The following TBCK variants were observed in gnomAD, a reference collection of about 807,000 sequenced individuals.
TBCK encodes TBC domain-containing protein kinase-like protein.
TBCK carries 99 observed loss-of-function variants against 113.4 expected under a neutral mutation model. The ratio of observed to expected loss-of-function variants is 0.87; its 90% CI spans 0.74 to 1.03. The LOEUF (loss-of-function observed/expected upper bound fraction) is 1.03, where lower values mean the gene tolerates loss of function less well. TBCK is among the 50% of genes least tolerant of loss of function. The pLI is 0.00. For synonymous variants in TBCK, 369 were observed against 370.8 expected (o/e 1.00, Z 0.05); for missense variants, 1,045 against 1,061.3 (o/e 0.98, Z 0.21).
intron 20 of TBCK, among the ~76,000 whole-genome samples, chr4:106,201,284 G>C (rs927068351): frequency 6.6e-6 from 1 of 151,572 alleles, no homozygotes; most frequent in African/African-American, 2.4e-5. Context: ...TTAAAATATT[G>C]ATATTTTCAT....
intron 10 of TBCK, among the ~76,000 whole-genome samples, chr4:106,246,038 A>T (rs1760771779): frequency 6.6e-6 from 1 of 152,192 alleles, no homozygotes. Context: ...AGAAAATAGC[A>T]CATGGGGAGG....
At chr4:106,111,482 A>G (rs937528605) in intron 24 of TBCK, among the ~76,000 whole-genome samples, 10 of 152,334 alleles carry the variant, frequency 6.6e-5, no homozygotes, top group Admixed American at 3.9e-4. Context: ...TCAATAATGA[A>G]AGGCCAGCTC....
Position 106,105,016 on chromosome 4 carries a change from G to C in TBCK, c.2412-9375C>G, listed in dbSNP as rs374616921. 3.0e-4 allele frequency among the ~76,000 whole-genome samples: 45 copies of C among 152,326 alleles called. 1 individual carries two copies. Among genetic ancestry groups the C allele is most frequent in the African/African-American group, 1.0e-3 (43 of 41,568 alleles). On this transcript the variant is annotated intron_variant, in intron 24 of 25. Coordinates refer to ENST00000394708, the MANE Select transcript of TBCK (RefSeq NM_001163435.3). ...CCCCAACCAGAGCTATCGAGCCAGT[G>C]CGAACTCAGCAACTCCCTGCCCAGA...
chr4:106,221,021 GTTTATTAAATATCATTCTTATT>G (rs1174066349), intron 19 of TBCK, among the ~76,000 whole-genome samples: 1 of 152,154 alleles, frequency 6.6e-6, no homozygotes, highest in Non-Finnish European at 1.5e-5. Flanking sequence ...CTATGCTCCA[GTTTATTAAATATCATTCTTATT>G]TGAGTCTGAT....
intron 25 of TBCK, among the ~76,000 whole-genome samples, chr4:106,092,802 C>G (rs1034340053): frequency 1.3e-5 from 2 of 152,244 alleles, no homozygotes; most frequent in African/African-American, 4.8e-5. Flanking sequence ...GCTGAGGGAG[C>G]TGGCTCCAGC....
chr4:106,313,357 G>C (rs559823588), intron 1 of TBCK, among the ~76,000 whole-genome samples: 34 of 151,388 alleles, frequency 2.2e-4, no homozygotes, highest in Admixed American at 3.3e-4. Flanking sequence ...GAGCAACACA[G>C]TGAGACTCCA....
At chr4:106,161,683 A>G (rs1182784133) in intron 23 of TBCK, among the ~76,000 whole-genome samples, 23 of 150,116 alleles carry the variant, frequency 1.5e-4, no homozygotes, top group Admixed American at 1.5e-3. Flanking sequence ...CAGCTTGTTA[A>G]CCAGAATTAG....
chr4:106,172,111 G>T (rs1751104932), intron 22 of TBCK, among the ~76,000 whole-genome samples: 1 of 151,936 alleles, frequency 6.6e-6, no homozygotes, highest in African/African-American at 2.4e-5. Flanking sequence ...GGGTTACAGG[G>T]ATCATCCACC....
intron 25 of TBCK, among the ~76,000 whole-genome samples, chr4:106,094,537 GAA>G (rs1014225176): frequency 6.6e-6 from 1 of 152,062 alleles, no homozygotes; most frequent in African/African-American, 2.4e-5. Context: ...GTTCTAATCT[GAA>G]ATTTTCAGTG....
chr4:106,313,466 T>C (rs890297911), intron 1 of TBCK, among the ~76,000 whole-genome samples: 2 of 152,186 alleles, frequency 1.3e-5, no homozygotes, highest in African/African-American at 4.8e-5. Context: ...TTATCAGTCA[T>C]AAGAGCAAAT....
chr4:106,078,701 C>T (rs1270668910), intron 25 of TBCK, among the ~76,000 whole-genome samples: 1 of 149,636 alleles, frequency 6.7e-6, no homozygotes, highest in African/African-American at 2.5e-5. Context: ...TTCTCCCAGA[C>T]ATAAAAAGAA....
intron 23 of TBCK, among the ~76,000 whole-genome samples, chr4:106,126,335 T>G (rs778794064): frequency 1.3e-5 from 2 of 152,188 alleles, no homozygotes; most frequent in Non-Finnish European, 2.9e-5. Flanking sequence ...TTTTATACCT[T>G]ATTTTCCTCA....
chr4:106,206,975 T>A (rs1392122404), intron 20 of TBCK, among the ~76,000 whole-genome samples: 6 of 152,166 alleles, frequency 3.9e-5, no homozygotes, highest in Non-Finnish European at 8.8e-5. Flanking sequence ...CTCTTCATAA[T>A]TTGCAAGCTG....
intron 3 of TBCK, among the ~76,000 whole-genome samples, chr4:106,287,827 T>G (rs1765272300): frequency 6.6e-6 from 1 of 152,322 alleles, no homozygotes; most frequent in African/African-American, 2.4e-5. Context: ...GCTGTTATCT[T>G]GACTGAAATC....
At chr4:106,063,121 A>G (rs1170893047) in intron 25 of TBCK, among the ~76,000 whole-genome samples, 1 of 151,966 alleles carries the variant, frequency 6.6e-6, no homozygotes, top group African/African-American at 2.4e-5. Flanking sequence ...AGCATGTTCA[A>G]GGTGCATTAA....
At position 106,254,062 on chromosome 4, in the gene TBCK, TTTTC is replaced by T. The variant is rs1460677845; in HGVS notation, c.456-2059_456-2056del. Among the ~76,000 whole-genome samples the T allele has an allele frequency of 7.2e-5, 11 of 152,276 alleles. No individual in the cohort carries two copies. In the South Asian group the frequency reaches 1.2e-3, roughly 17 times the overall value. The stretch of plus-strand genomic sequence containing the variant: ...CGTATGTGATGTATCTTTCATTTTC[TTTTC>T]TTTCTTTTTTTTTTAACTTCTTTCC... On this transcript the variant is annotated intron_variant, in intron 5 of 25. Transcript: ENST00000394708.
intron 12 of TBCK, among the ~76,000 whole-genome samples, chr4:106,241,570 G>A (rs1476464323): frequency 6.6e-6 from 1 of 151,738 alleles, no homozygotes; most frequent in Non-Finnish European, 1.5e-5. Context: ...AGAATATCAA[G>A]GCCCAGAAAC....
chr4:106,179,992 CTTT>C (rs1225595134), intron 22 of TBCK, among the ~76,000 whole-genome samples: 2 of 152,000 alleles, frequency 1.3e-5, no homozygotes, highest in East Asian at 1.9e-4. Flanking sequence ...TAATGGACTT[CTTT>C]TGTCTTTTTT....
At position 106,190,115 on chromosome 4, in the gene TBCK, A is replaced by G. The variant is rs550409615; in HGVS notation, c.2059+3494T>C. ...CACAAATTAGTAGCCTACTGGCTAT[A>G]ATAAGCTATTTGATTAAGTCTTATA... On this transcript the variant is annotated intron_variant, in intron 22 of 25. Coordinates refer to ENST00000394708, the MANE Select transcript of TBCK (RefSeq NM_001163435.3). 5.9e-5 allele frequency among the ~76,000 whole-genome samples: 9 copies of G among 152,328 alleles called. No individual in the cohort carries two copies. In the South Asian group the frequency reaches 1.9e-3, roughly 32 times the overall value.
Sources: allele counts gnomAD v4.1 joint callset (sites outside exome capture counted in the v4.1 genomes callset), GRCh38; gene constraint gnomAD v4.1.1; transcripts MANE v1.5; gene names NCBI Gene and HGNC (gene_info 2026-07-23, HGNC 2026-07-21).